NRXN1: variants seen among roughly 807,000 people sequenced by gnomAD.
NRXN1 encodes the protein neurexin 1.
Under a neutral mutation model 150.9 loss-of-function variants are expected in NRXN1, and 39 were observed. That is an observed-to-expected ratio of 0.26 (90% CI 0.20 to 0.34). The LOEUF is 0.34. Among genes scored for constraint, NRXN1 ranks in the 10% least tolerant of loss-of-function variants. NRXN1 has a pLI of 1.00. For synonymous variants in NRXN1, 924 were observed against 757.0 expected, an observed-to-expected ratio of 1.22 and a Z score of -3.62; for missense variants, 1,815 against 1,949.9, an observed-to-expected ratio of 0.93 and a Z score of 1.30.
intron 21 of NRXN1, among the ~76,000 whole-genome samples, chr2:49,981,616 C>T (rs571404527): frequency 6.6e-6 from 1 of 152,082 alleles, no homozygotes; most frequent in South Asian, 2.1e-4. Flanking sequence ...AAATAAGACA[C>T]CTATGAAGAA....
chr2:50,401,195 T>C (rs1409734254), intron 17 of NRXN1, among the ~76,000 whole-genome samples: 1 of 152,200 alleles, frequency 6.6e-6, no homozygotes, highest in Non-Finnish European at 1.5e-5. Flanking sequence ...ACACTCAATG[T>C]GGGAAGATGC....
chr2:50,252,988 A>G (rs2067307711), intron 17 of NRXN1, among the ~76,000 whole-genome samples: 1 of 152,202 alleles, frequency 6.6e-6, no homozygotes, highest in South Asian at 2.1e-4. Context: ...TTTAAACTAT[A>G]AATTGCTTTG....
intron 18 of NRXN1, among the ~76,000 whole-genome samples, chr2:50,169,321 A>G (rs1057116563): frequency 1.3e-5 from 2 of 152,218 alleles, no homozygotes; most frequent in Non-Finnish European, 2.9e-5. Context: ...CATGAGAACA[A>G]GCAATGGGTA....
chr2:50,708,935 G>A (rs976017760), intron 5 of NRXN1, among the ~76,000 whole-genome samples: 15 of 152,216 alleles, frequency 9.9e-5, no homozygotes, highest in Non-Finnish European at 2.1e-4. Context: ...GAACAAGCCT[G>A]TTGGTGCTTT....
intron 8 of NRXN1, among the ~76,000 whole-genome samples, chr2:50,603,493 T>C (rs1488063168): frequency 6.6e-6 from 1 of 152,200 alleles, no homozygotes; most frequent in Non-Finnish European, 1.5e-5. Flanking sequence ...GGAATCTCTT[T>C]CAACACACTT....
At chr2:50,608,821 A>G (rs543446741) in intron 8 of NRXN1, among the ~76,000 whole-genome samples, 1 of 152,266 alleles carries the variant, frequency 6.6e-6, no homozygotes, top group Non-Finnish European at 1.5e-5. Flanking sequence ...TTGCTTCTGA[A>G]AAATAATGCG....
At chr2:50,681,444 G>T (rs1690393850) in intron 5 of NRXN1, among the ~76,000 whole-genome samples, 1 of 152,184 alleles carries the variant, frequency 6.6e-6, no homozygotes, top group Non-Finnish European at 1.5e-5. Context: ...GAGCTGAGTA[G>T]CCCATTCTGT....
chr2:50,419,786 C>T (rs2083829746), intron 17 of NRXN1, among the ~76,000 whole-genome samples: 1 of 151,954 alleles, frequency 6.6e-6, no homozygotes, highest in African/African-American at 2.4e-5. Context: ...ATTTGTATCT[C>T]CTCCCATTAT....
intron 17 of NRXN1, among the ~76,000 whole-genome samples, chr2:50,442,824 G>C (rs11125306): frequency 0.3 from 46,159 of 151,976 alleles, 7,348 homozygotes; most frequent in East Asian, 0.46. Context: ...CTTGGAAGAA[G>C]TCACAGAGGA....
intron 5 of NRXN1, among the ~76,000 whole-genome samples, chr2:50,870,619 T>C (rs1162383567): frequency 6.6e-6 from 1 of 151,988 alleles, no homozygotes; most frequent in Non-Finnish European, 1.5e-5. Flanking sequence ...CACCACACTT[T>C]TGAGCTTGTA....
At chr2:50,469,777 G>A (rs2193062) in intron 16 of NRXN1, among the ~76,000 whole-genome samples, 89,981 of 149,360 alleles carry the variant, frequency 0.6, 27,777 homozygotes, top group African/African-American at 0.73. Context: ...GTGTCAGGGT[G>A]TGAAAATTAT....
At chr2:50,238,932 A>G (rs1266826056) in intron 17 of NRXN1, among the ~76,000 whole-genome samples, 1 of 152,018 alleles carries the variant, frequency 6.6e-6, no homozygotes, top group Admixed American at 6.6e-5. Flanking sequence ...TTAATTTTGC[A>G]GATACCAATG....
At chr2:50,717,107 T>G (rs1184505535) in intron 5 of NRXN1, among the ~76,000 whole-genome samples, 1 of 152,200 alleles carries the variant, frequency 6.6e-6, no homozygotes, top group Non-Finnish European at 1.5e-5. Context: ...AGCTATTTAT[T>G]TAATTTGATT....
intron 8 of NRXN1, among the ~76,000 whole-genome samples, chr2:50,581,234 T>C (rs1231868789): frequency 6.6e-6 from 1 of 152,208 alleles, no homozygotes; most frequent in Non-Finnish European, 1.5e-5. Flanking sequence ...GGATTTATAA[T>C]TAAAAATAAA....
chr2:50,650,380 T>C (rs1381623765), intron 5 of NRXN1, among the ~76,000 whole-genome samples: 1 of 152,076 alleles, frequency 6.6e-6, no homozygotes, highest in Non-Finnish European at 1.5e-5. Flanking sequence ...TCTGGAAGGA[T>C]GACTCGCTTT....
intron 18 of NRXN1, among the ~76,000 whole-genome samples, chr2:50,207,220 C>T (rs1270084958): frequency 6.6e-6 from 1 of 152,002 alleles, no homozygotes; most frequent in Non-Finnish European, 1.5e-5. Context: ...ATTTAAAATA[C>T]AAAATCTTTC....
At chr2:50,124,207 G>A (rs1704254823) in intron 18 of NRXN1, among the ~76,000 whole-genome samples, 1 of 152,132 alleles carries the variant, frequency 6.6e-6, no homozygotes, top group African/African-American at 2.4e-5. Context: ...AATGCTGCTT[G>A]TAGTCCATGA....
At chr2:50,843,642 T>A (rs977281636) in intron 5 of NRXN1, among the ~76,000 whole-genome samples, 1 of 152,198 alleles carries the variant, frequency 6.6e-6, no homozygotes, top group Non-Finnish European at 1.5e-5. Context: ...AAACTACCTA[T>A]CCGCCATCCA....
intron 9 of NRXN1, among the ~76,000 whole-genome samples, chr2:50,544,371 T>TA (rs2093450006): frequency 6.6e-6 from 1 of 152,096 alleles, no homozygotes; most frequent in Non-Finnish European, 1.5e-5. Context: ...GAGTGTTATT[T>TA]AAAAAATTTC....
Sources: allele counts gnomAD v4.1 joint callset (sites outside exome capture counted in the v4.1 genomes callset), GRCh38; gene constraint gnomAD v4.1.1; transcripts MANE v1.5; gene names NCBI Gene and HGNC (gene_info 2026-07-23, HGNC 2026-07-21).